UNC13C: variants seen among roughly 807,000 people sequenced by gnomAD.
The protein encoded by UNC13C is protein unc-13 homolog C.
Under a neutral mutation model 245.4 loss-of-function variants are expected in UNC13C, and 174 were observed. That is an observed-to-expected ratio of 0.71 (90% CI 0.63 to 0.80). The LOEUF (loss-of-function observed/expected upper bound fraction) is 0.80, where lower values mean the gene tolerates loss of function less well. UNC13C is among the 30% of genes least tolerant of loss of function. The pLI is 0.00. For synonymous variants in UNC13C, 992 were observed against 895.1 expected (o/e 1.11, Z -1.93); for missense variants, 2,829 against 2,602.9 (o/e 1.09, Z -1.89).
At chr15:53,927,926 T>G in the UNC13C span, among the ~76,000 whole-genome samples, 1 of 152,118 alleles carries the variant, frequency 6.6e-6, no homozygotes, top group African/African-American at 2.4e-5. Context: ...TGCGCAAAAT[T>G]ATATCACTGT....
chr15:54,290,238 C>T (rs1272862344), intron 10 of UNC13C, among the ~76,000 whole-genome samples: 2 of 151,942 alleles, frequency 1.3e-5, no homozygotes, highest in African/African-American at 4.8e-5. Context: ...AAGAGCTGGC[C>T]AGTCTTTACG....
At chr15:53,923,942 C>T in the UNC13C span, among the ~76,000 whole-genome samples, 1 of 152,226 alleles carries the variant, frequency 6.6e-6, no homozygotes, top group Non-Finnish European at 1.5e-5. Flanking sequence ...CGCGGTGGCT[C>T]GCGCCTGTAA....
chr15:54,362,691 A>G lies in UNC13C; in HGVS notation c.4713+24202A>G, dbSNP rs967000792. Among the ~76,000 whole-genome samples the G allele has an allele frequency of 1.1e-4, 16 of 152,280 alleles. No individual in the cohort carries two copies. In the South Asian group the frequency reaches 2.5e-3, roughly 24 times the overall value. On this transcript the variant is annotated intron_variant, in intron 17 of 32. Coordinates refer to ENST00000260323, the MANE Select transcript of UNC13C (RefSeq NM_001080534.3). Reference sequence around the variant, plus strand: ...TCAGAAACTCTTGAGGATGGGGTCCAACATTCTGCATTTAAACAAGTCCTC... The same window carrying G: ...TCAGAAACTCTTGAGGATGGGGTCCGACATTCTGCATTTAAACAAGTCCTC...
chr15:53,953,436 C>A, the UNC13C span, among the ~76,000 whole-genome samples: 9 of 152,178 alleles, frequency 5.9e-5, no homozygotes, highest in Non-Finnish European at 1.2e-4. Context: ...TCCAATTCAA[C>A]CCTAAGGACT....
At chr15:54,456,504 T>C (rs1891536470) in intron 19 of UNC13C, among the ~76,000 whole-genome samples, 1 of 152,024 alleles carries the variant, frequency 6.6e-6, no homozygotes, top group African/African-American at 2.4e-5. Flanking sequence ...TTTCAATTTG[T>C]TTGTATCATC....
chr15:54,083,828 C>A (rs1457102117), intron 2 of UNC13C, among the ~76,000 whole-genome samples: 2 of 152,146 alleles, frequency 1.3e-5, no homozygotes, highest in African/African-American at 4.8e-5. Flanking sequence ...GGTGCATCGT[C>A]TTGGGGGCAG....
intron 2 of UNC13C, among the ~76,000 whole-genome samples, chr15:54,132,060 G>GTTTTCTTCTTTTTCTT (rs2031452124): frequency 2.8e-5 from 1 of 35,622 alleles, no homozygotes; most frequent in African/African-American, 1.1e-4. Context: ...TTGCAATTCA[G>GTTTTCTTCTTTTTCTT]TTTTTTTCTT....
At chr15:54,033,934 G>T (rs909535238) in intron 2 of UNC13C, among the ~76,000 whole-genome samples, 35 of 152,156 alleles carry the variant, frequency 2.3e-4, no homozygotes, top group African/African-American at 7.7e-4. Flanking sequence ...ATATACAGTG[G>T]GGTTTCATCA....
At chr15:54,512,738 A>C (rs1452729202) in intron 24 of UNC13C, among the ~76,000 whole-genome samples, 1 of 152,166 alleles carries the variant, frequency 6.6e-6, no homozygotes, top group South Asian at 2.1e-4. Context: ...GGGAAAGTTT[A>C]TGAGATGTGC....
intron 19 of UNC13C, chr15:54,416,740 T>C (rs1243226402): frequency 1.2e-5 from 4 of 333,098 alleles, no homozygotes; most frequent in Non-Finnish European, 1.8e-5. Flanking sequence ...ATCTGAAGAT[T>C]TTTAGGGTCT....
intron 2 of UNC13C, among the ~76,000 whole-genome samples, chr15:54,041,595 G>T (rs1273223184): frequency 6.6e-6 from 1 of 152,196 alleles, no homozygotes; most frequent in East Asian, 1.9e-4. Context: ...TTAAGAGCAT[G>T]ATTCGGAGAT....
intron 17 of UNC13C, among the ~76,000 whole-genome samples, chr15:54,376,766 A>T (rs1261656819): frequency 6.6e-6 from 1 of 152,224 alleles, no homozygotes. Flanking sequence ...TGAAAACCAC[A>T]TGAAACATAT....
chr15:54,626,867 T>C lies in UNC13C; in HGVS notation c.6399T>C (p.Leu2133=), dbSNP rs1435889530. ...AAAATCGACCAGGGGCTTATGAACTTCATCTCTCAGTTAAGGATTACTGCT... is the reference window on the plus strand; with the variant it reads ...AAAATCGACCAGGGGCTTATGAACTCCATCTCTCAGTTAAGGATTACTGCT... ...GKENRPGAYE[L]HLSVKDYCFA... Residue 2133 remains leucine, a synonymous_variant, in exon 33 of 33, where the codon CTT becomes CTC. Transcript: ENST00000260323. 1.2e-6 allele frequency: 2 copies of C among 1,613,058 alleles called. No homozygotes were observed. The highest frequency in any genetic ancestry group is 2.7e-5 in the African/African-American group (2 of 74,888).
chr15:54,534,059 G>A (rs1895880979), intron 26 of UNC13C, among the ~76,000 whole-genome samples: 1 of 152,128 alleles, frequency 6.6e-6, no homozygotes, highest in Non-Finnish European at 1.5e-5. Flanking sequence ...TAAAGACAAG[G>A]ACAACAGTCA....
the UNC13C span, among the ~76,000 whole-genome samples, chr15:53,918,668 G>T: frequency 6.6e-6 from 1 of 152,170 alleles, no homozygotes; most frequent in Non-Finnish European, 1.5e-5. Flanking sequence ...CCCATTGCCT[G>T]GTGACTGCTG....
At chr15:54,347,830 C>G (rs1244399475) in intron 17 of UNC13C, among the ~76,000 whole-genome samples, 1 of 152,160 alleles carries the variant, frequency 6.6e-6, no homozygotes, top group Non-Finnish European at 1.5e-5. Flanking sequence ...CAAATTCTCT[C>G]ACTTCTTATC....
intron 10 of UNC13C, among the ~76,000 whole-genome samples, chr15:54,280,320 T>C (rs1248323365): frequency 1.3e-5 from 2 of 152,000 alleles, no homozygotes; most frequent in African/African-American, 4.8e-5. Context: ...CCCAATGTGT[T>C]AAGTTAAAGG....
intron 32 of UNC13C, among the ~76,000 whole-genome samples, chr15:54,625,614 T>G (rs1901085021): frequency 6.6e-6 from 1 of 152,144 alleles, no homozygotes; most frequent in Non-Finnish European, 1.5e-5. Flanking sequence ...CCCTAAGGAT[T>G]TACACGCCAA....
intron 4 of UNC13C, among the ~76,000 whole-genome samples, chr15:54,234,468 A>G (rs998824372): frequency 6.6e-6 from 1 of 152,184 alleles, no homozygotes; most frequent in Non-Finnish European, 1.5e-5. Context: ...TCGTTCTACA[A>G]CTACTTATTT....
Sources: allele counts gnomAD v4.1 joint callset (sites outside exome capture counted in the v4.1 genomes callset), GRCh38; gene constraint gnomAD v4.1.1; transcripts MANE v1.5; gene names NCBI Gene and HGNC (gene_info 2026-07-23, HGNC 2026-07-21).